The following THSD4 variants were observed in gnomAD, a reference collection of about 807,000 sequenced individuals.
THSD4 encodes the protein thrombospondin type-1 domain-containing protein 4.
In THSD4, 69 loss-of-function variants were observed where a neutral mutation model predicts 119.0. That is an observed-to-expected ratio of 0.58 (90% CI 0.48 to 0.71). THSD4 has a LOEUF of 0.71. THSD4 is among the 30% of genes least tolerant of loss of function. The pLI is 0.00. For missense variants in THSD4, 1,393 were observed against 1,391.1 expected (o/e 1.00, Z -0.02); for synonymous variants, 524 against 540.4 (o/e 0.97, Z 0.42).
At chr15:71,449,761 A>G (rs1227171196) in intron 7 of THSD4, among the ~76,000 whole-genome samples, 1 of 152,216 alleles carries the variant, frequency 6.6e-6, no homozygotes, top group African/African-American at 2.4e-5. Flanking sequence ...ATAGCGTTTG[A>G]GAAGTAAGTA....
At chr15:71,427,645 A>G (rs1387346620) in intron 7 of THSD4, among the ~76,000 whole-genome samples, 1 of 149,202 alleles carries the variant, frequency 6.7e-6, no homozygotes, top group African/African-American at 2.5e-5. Flanking sequence ...TGAGGTGACC[A>G]TTTTGTGCTT....
At chr15:71,315,753 T>C (rs1009194666) in intron 6 of THSD4, among the ~76,000 whole-genome samples, 3 of 152,234 alleles carry the variant, frequency 2.0e-5, no homozygotes, top group South Asian at 2.1e-4. Context: ...TGTTCAAAGT[T>C]GTATCTGTCC....
At chr15:71,180,218 G>A (rs1413921203) in intron 3 of THSD4, among the ~76,000 whole-genome samples, 1 of 145,684 alleles carries the variant, frequency 6.9e-6, no homozygotes, top group Non-Finnish European at 1.5e-5. Flanking sequence ...GCAACCCACA[G>A]AACGGGAGAA....
chr15:71,132,500 AAAAAT>A (rs1441131536), intron 1 of THSD4, among the ~76,000 whole-genome samples: 1 of 152,258 alleles, frequency 6.6e-6, no homozygotes, highest in African/African-American at 2.4e-5. Context: ...TATGCATAGA[AAAAAT>A]AAACAAGAAC....
At chr15:71,543,960 A>G (rs4776560) in intron 7 of THSD4, among the ~76,000 whole-genome samples, 69,546 of 152,060 alleles carry the variant, frequency 0.46, 16,998 homozygotes, top group East Asian at 0.79. Context: ...CACAGGAGGC[A>G]GAGGTTGCAA....
chr15:71,155,135 T>G (rs2040763794), intron 3 of THSD4, among the ~76,000 whole-genome samples: 1 of 152,246 alleles, frequency 6.6e-6, no homozygotes, highest in Non-Finnish European at 1.5e-5. Flanking sequence ...TAAAGAGGTT[T>G]TATTGGCCCA....
chr15:71,503,385 C>G (rs543520068), intron 7 of THSD4, among the ~76,000 whole-genome samples: 5 of 152,278 alleles, frequency 3.3e-5, no homozygotes, highest in African/African-American at 1.2e-4. Context: ...TTTTATTCCT[C>G]AGGGAGCATT....
rs183191526 is a variant in THSD4, at chr15:71,322,379, A to G, written c.1015+65664A>G. On this transcript the variant is annotated intron_variant, in intron 6 of 17. Coordinates refer to ENST00000261862, the MANE Select transcript of THSD4 (RefSeq NM_024817.3). ...AGTGAGGAAATTTAGTCCAAGGAAC[A>G]GATCAGAAAAACTTGCTAGGCCTGT... 3.3e-5 allele frequency among the ~76,000 whole-genome samples: 5 copies of G among 152,334 alleles called. No homozygotes were observed. In the East Asian group the frequency reaches 7.7e-4, roughly 23 times the overall value.
intron 6 of THSD4, among the ~76,000 whole-genome samples, chr15:71,268,361 G>T (rs752759271): frequency 5.3e-5 from 8 of 152,150 alleles, no homozygotes; most frequent in Non-Finnish European, 7.3e-5. Context: ...TAACTACTGG[G>T]TAAATAACGA....
intron 7 of THSD4, among the ~76,000 whole-genome samples, chr15:71,527,952 G>A (rs992568731): frequency 6.6e-6 from 1 of 151,986 alleles, no homozygotes; most frequent in Non-Finnish European, 1.5e-5. Context: ...CTGGGCTCAA[G>A]CAATCTTCCT....
chr15:71,636,176 C>A (rs985892763), intron 7 of THSD4, among the ~76,000 whole-genome samples: 1 of 152,210 alleles, frequency 6.6e-6, no homozygotes, highest in African/African-American at 2.4e-5. Context: ...AATCCCAGAA[C>A]TTTGGGAGGC....
intron 6 of THSD4, among the ~76,000 whole-genome samples, chr15:71,406,016 G>T (rs1226986107): frequency 6.6e-6 from 1 of 151,868 alleles, no homozygotes; most frequent in African/African-American, 2.4e-5. Flanking sequence ...CGAACTCCTG[G>T]CCTCAAGTGA....
At chr15:71,285,762 A>G (rs1301276403) in intron 6 of THSD4, among the ~76,000 whole-genome samples, 1 of 147,188 alleles carries the variant, frequency 6.8e-6, no homozygotes, top group African/African-American at 2.5e-5. Context: ...ACTGAGGCAG[A>G]AGAATTGCTT....
At chr15:71,120,145 G>A (rs2040396824) in intron 1 of THSD4, among the ~76,000 whole-genome samples, 1 of 152,180 alleles carries the variant, frequency 6.6e-6, no homozygotes, top group Non-Finnish European at 1.5e-5. Flanking sequence ...TGTTACAACT[G>A]TGTATTCAAA....
intron 7 of THSD4, among the ~76,000 whole-genome samples, chr15:71,622,721 G>A (rs1410682639): frequency 6.6e-6 from 1 of 151,914 alleles, no homozygotes; most frequent in Non-Finnish European, 1.5e-5. Flanking sequence ...AAGTCCTGAT[G>A]AAGAGTTTAT....
chr15:71,245,351 T>A (rs761494492), intron 5 of THSD4, among the ~76,000 whole-genome samples: 1 of 152,174 alleles, frequency 6.6e-6, no homozygotes, highest in African/African-American at 2.4e-5. Context: ...CATAAGCCCA[T>A]GTCTTCTTGT....
intron 6 of THSD4, among the ~76,000 whole-genome samples, chr15:71,359,821 G>A (rs1013514194): frequency 6.6e-6 from 1 of 151,508 alleles, no homozygotes; most frequent in Non-Finnish European, 1.5e-5. Context: ...GGGTGACAGA[G>A]CAAGACCCTG....
rs1251312134 is a variant in THSD4, at chr15:71,115,767, C to G, written c.-80+69C>G. On this transcript the variant is annotated intron_variant, in intron 1 of 17. Transcript: ENST00000261862. The surrounding 1 kb of genome is among the most constrained non-coding windows in gnomAD (Gnocchi z 4.4). ...GCGGCCCCGACCCGGCTTCCGCTGC[C>G]CAGGCTCCGGCTCCCGCTCTCTGGC... The G allele has an allele frequency of 6.7e-6, 1 of 149,368 alleles. No homozygotes were observed. Among genetic ancestry groups the G allele is most frequent in the Admixed American group, 6.7e-5 (1 of 14,996 alleles). The allele number at this position is 149,368 out of a possible 1,614,324, so 9.3% of individuals were successfully genotyped here. A position where few individuals can be genotyped will look rare whatever the true frequency, so the allele number is the denominator to read the frequency against.
Position 71,409,164 on chromosome 15 carries a change from C to CT in THSD4, c.1016-2522dup, listed in dbSNP as rs1555410884. On this transcript the variant is annotated intron_variant, in intron 6 of 17. Coordinates refer to ENST00000261862, the MANE Select transcript of THSD4 (RefSeq NM_024817.3). ...GTTTAGCTTTTTTTTTTCCCCCCCCCTCAGAATGTTCTTCTGCAGTATGGT... is the reference window on the plus strand; with the variant it reads ...GTTTAGCTTTTTTTTTTCCCCCCCCCTTCAGAATGTTCTTCTGCAGTATGGT... Among the ~76,000 whole-genome samples the CT allele has an allele frequency of 4.1e-5, 6 of 146,798 alleles. No individual in the cohort carries two copies. In the Admixed American group the frequency reaches 4.1e-4, roughly 10 times the overall value.
Sources: gnomAD v4.1 joint callset for allele counts (sites outside exome capture counted in the v4.1 genomes callset) on GRCh38, gnomAD v4.1.1 for gene constraint, Gnocchi (gnomAD v3.1) non-coding constraint, MANE v1.5 for transcripts, NCBI Gene and HGNC (gene_info 2026-07-23, HGNC 2026-07-21) for gene names.